PRKD1: variants seen among roughly 807,000 people sequenced by gnomAD.
PRKD1 encodes the protein protein kinase D1, also known as serine/threonine-protein kinase D1.
PRKD1 carries 63 observed loss-of-function variants against 95.9 expected under a neutral mutation model. The observed-to-expected ratio is 0.66, with a 90% CI of 0.54 to 0.81. The LOEUF is 0.81. PRKD1 is among the 30% of genes least tolerant of loss of function. The pLI is 0.00. For synonymous variants in PRKD1, 425 were observed against 423.1 expected, an observed-to-expected ratio of 1.00 and a Z score of -0.05; for missense variants, 1,048 against 1,165.3, an observed-to-expected ratio of 0.90 and a Z score of 1.47.
At chr14:29,750,616 G>GTGCGCACACA (rs375136808) in intron 1 of PRKD1, among the ~76,000 whole-genome samples, 1 of 148,374 alleles carries the variant, frequency 6.7e-6, no homozygotes, top group Non-Finnish European at 1.5e-5. Flanking sequence ...ATGAACGCGC[G>GTGCGCACACA]CACACACACA....
At chr14:29,660,937 CCCACAGAACTGTTATAAATTGACCA>C (rs1332132217) in intron 4 of PRKD1, among the ~76,000 whole-genome samples, 1 of 151,912 alleles carries the variant, frequency 6.6e-6, no homozygotes, top group African/African-American at 2.4e-5. Flanking sequence ...AAAATCCATG[CCCACAGAACTGTTATAAATTGACCA>C]CATCTTGGAA....
At chr14:29,923,176 G>A (rs1008714070) in intron 1 of PRKD1, among the ~76,000 whole-genome samples, 1 of 149,918 alleles carries the variant, frequency 6.7e-6, no homozygotes, top group African/African-American at 2.5e-5. Flanking sequence ...ACTGCAGTGA[G>A]CTGTAATTGT....
At chr14:29,790,914 G>C (rs566120966) in intron 1 of PRKD1, among the ~76,000 whole-genome samples, 1 of 152,134 alleles carries the variant, frequency 6.6e-6, no homozygotes, top group East Asian at 1.9e-4. Context: ...AGGATGCTGT[G>C]AGACCATGTA....
chr14:29,882,985 G>A (rs1893568402), intron 1 of PRKD1, among the ~76,000 whole-genome samples: 2 of 152,154 alleles, frequency 1.3e-5, no homozygotes, highest in Admixed American at 1.3e-4. Flanking sequence ...AAAGACCTGA[G>A]GTTGGGTAAT....
At chr14:29,836,550 A>T (rs947289591) in intron 1 of PRKD1, among the ~76,000 whole-genome samples, 1 of 152,206 alleles carries the variant, frequency 6.6e-6, no homozygotes, top group Non-Finnish European at 1.5e-5. Flanking sequence ...TTCAGAGTCC[A>T]CCAGACCATG....
intron 8 of PRKD1, 44 bp from the exon 9 acceptor site, chr14:29,632,990 A>C: frequency 6.6e-7 from 1 of 1,504,318 alleles, no homozygotes; most frequent in Non-Finnish European, 9.3e-7. Flanking sequence ...AAAACTTTAA[A>C]AATATCCCCA....
chr14:29,610,993 A>T (rs1404567184), intron 13 of PRKD1, among the ~76,000 whole-genome samples: 3 of 152,252 alleles, frequency 2.0e-5, no homozygotes, highest in African/African-American at 7.2e-5. Flanking sequence ...TCAGTGGCTG[A>T]CAGGGATAGT....
At chr14:29,599,291 G>GAA (rs769916952) in intron 14 of PRKD1, among the ~76,000 whole-genome samples, 166 bp from the exon 15 acceptor site, 3 of 152,124 alleles carry the variant, frequency 2.0e-5, no homozygotes, top group Non-Finnish European at 4.4e-5. Flanking sequence ...AAATTTCAAT[G>GAA]AAAAAATTAC....
At chr14:29,597,809 TGTGTCTTA>T in intron 15 of PRKD1, 51 bp from the exon 16 acceptor site, 1 of 1,539,708 alleles carries the variant, frequency 6.5e-7, no homozygotes, top group Non-Finnish European at 8.8e-7. Context: ...TGTGTGTCTG[TGTGTCTTA>T]GTTCAGATTC....
intron 1 of PRKD1, among the ~76,000 whole-genome samples, chr14:29,836,877 C>T (rs949193557): frequency 1.3e-5 from 2 of 152,018 alleles, no homozygotes; most frequent in African/African-American, 2.4e-5. Flanking sequence ...GACAAGGTTA[C>T]GATTAAGTGT....
At chr14:29,885,598 A>T (rs1407015829) in intron 1 of PRKD1, among the ~76,000 whole-genome samples, 1 of 152,100 alleles carries the variant, frequency 6.6e-6, no homozygotes, top group African/African-American at 2.4e-5. Flanking sequence ...CTCCTGGCAA[A>T]ATCTGAATAA....
chr14:29,577,054 A>G lies in PRKD1; in HGVS notation c.*184T>C. On this transcript the variant is annotated 3_prime_UTR_variant, in exon 18 of 18. Coordinates refer to ENST00000331968, the MANE Select transcript of PRKD1 (RefSeq NM_002742.3). The stretch of plus-strand genomic sequence containing the variant: ...TTTTGTTAATACAACACAGTTGGTC[A>G]CACAAAATACAAATGCTTCTGTTGA... The G allele has an allele frequency of 1.5e-6, 1 of 658,212 alleles. No individual in the cohort carries two copies. Among genetic ancestry groups the G allele is most frequent in the Admixed American group, 2.9e-5 (1 of 34,418 alleles). 40.8% of individuals were successfully genotyped at this position (658,212 alleles called of 1,614,324 possible).
chr14:29,864,790 A>G (rs182691113), intron 1 of PRKD1, among the ~76,000 whole-genome samples: 2 of 152,264 alleles, frequency 1.3e-5, no homozygotes, highest in Admixed American at 1.3e-4. Flanking sequence ...GGACCTAGGA[A>G]TGGAAAAGAG....
chr14:29,611,668 A>G (rs1300257398), intron 13 of PRKD1, among the ~76,000 whole-genome samples: 1 of 151,828 alleles, frequency 6.6e-6, no homozygotes, highest in Non-Finnish European at 1.5e-5. Flanking sequence ...CTGTTCTTCA[A>G]GTATGACCCC....
intron 13 of PRKD1, among the ~76,000 whole-genome samples, chr14:29,607,873 G>T (rs1878118712): frequency 6.6e-6 from 1 of 152,142 alleles, no homozygotes; most frequent in African/African-American, 2.4e-5. Context: ...AACAGGGCAG[G>T]GGTATGTGGG....
Position 29,666,501 on chromosome 14 carries a change from A to G in PRKD1, c.404-293T>C, listed in dbSNP as rs45447394. Among the ~76,000 whole-genome samples, 446 of 152,102 alleles carry G rather than the reference A, an allele frequency of 2.9e-3. 1 individual carries two copies. The highest frequency in any genetic ancestry group is 0.011 in the African/African-American group (440 of 41,514). ...AAAGCATGAATGAAAGTATAAGTAC[A>G]CCTGATTTACAAACACCTGATGATA... On this transcript the variant is annotated intron_variant, in intron 2 of 17. Coordinates refer to ENST00000331968, the MANE Select transcript of PRKD1 (RefSeq NM_002742.3).
intron 1 of PRKD1, among the ~76,000 whole-genome samples, chr14:29,839,769 G>T (rs1891757762): frequency 6.6e-6 from 1 of 152,040 alleles, no homozygotes; most frequent in South Asian, 2.1e-4. Context: ...TGTGGAAGCT[G>T]CCAAGGCTTG....
intron 1 of PRKD1, among the ~76,000 whole-genome samples, chr14:29,741,351 C>T (rs1296084975): frequency 6.6e-6 from 1 of 152,098 alleles, no homozygotes; most frequent in East Asian, 1.9e-4. Context: ...CTATATTTTA[C>T]ACGTTTAGGT....
chr14:29,659,383 C>G (rs1230307022), intron 4 of PRKD1, among the ~76,000 whole-genome samples: 3 of 152,134 alleles, frequency 2.0e-5, no homozygotes, highest in Non-Finnish European at 4.4e-5. Flanking sequence ...TACACCACTA[C>G]TGGTTTCTAA....
Sources: allele counts gnomAD v4.1 joint callset (sites outside exome capture counted in the v4.1 genomes callset), GRCh38; gene constraint gnomAD v4.1.1; transcripts MANE v1.5; gene names NCBI Gene and HGNC (gene_info 2026-07-23, HGNC 2026-07-21).